The following POM121 variants were observed in gnomAD, a reference collection of about 807,000 sequenced individuals.
POM121 encodes nuclear envelope pore membrane protein POM 121.
A neutral mutation model predicts 81.3 loss-of-function variants in POM121; 32 were observed. The observed-to-expected ratio is 0.39, with a 90% confidence interval of 0.30 to 0.53. The LOEUF (loss-of-function observed/expected upper bound fraction) is 0.53. POM121 is among the 20% of genes least tolerant of loss of function. POM121 has a pLI of 0.66. For missense variants in POM121, 1,138 were observed against 1,614.6 expected (o/e 0.70, Z 5.06); for synonymous variants, 514 against 694.2 (o/e 0.74, Z 4.08).
At chr7:72,914,784 C>T (rs566160726) in intron 4 of POM121, among the ~76,000 whole-genome samples, 4 of 152,218 alleles carry the variant, frequency 2.6e-5, no homozygotes, top group South Asian at 2.1e-4. Flanking sequence ...TTCTCCTTTT[C>T]GTGTGGGTGT....
chr7:72,927,521 C>G (rs1371978865), intron 3 of POM121, among the ~76,000 whole-genome samples: 1 of 151,998 alleles, frequency 6.6e-6, no homozygotes, highest in African/African-American at 2.4e-5. Context: ...ACCAGCCTGG[C>G]CAACATGGTG....
downstream of POM121, chr7:72,949,610 A>G (rs401112): frequency 2.0e-3 from 1,361 of 669,432 alleles, 26 homozygotes; most frequent in South Asian, 0.02. Flanking sequence ...ATATTGAAAC[A>G]GCCTATATTT....
downstream of POM121, chr7:72,948,785 C>T (rs144643549): frequency 1.1e-4 from 176 of 1,579,720 alleles, 4 homozygotes; most frequent in African/African-American, 2.2e-3. Flanking sequence ...TCGGTGGGGC[C>T]GGGCAGGCAG....
Position 72,942,130 on chromosome 7 carries a change from C to T in POM121, c.2137C>T (p.Pro713Ser). 1 of 1,609,198 alleles carries T rather than the reference C, an allele frequency of 6.2e-7. No homozygotes were observed. The highest frequency in any genetic ancestry group is 8.5e-7 in the Non-Finnish European group (1 of 1,179,802). The change falls in exon 11 of 13, where the codon CCT becomes TCT. Residue 713 changes from proline to serine, a missense_variant. Around this residue, in one of 7 missense-constraint regions of POM121, gnomAD observed 25 missense variants for 214.1 expected, o/e 0.12. Coordinates refer to ENST00000434423, the MANE Select transcript of POM121 (RefSeq NM_001387691.1). The part of the protein sequence containing the change: ...SFLFGTQNTS[P>S]SSPAAPAASS... ...CCTGTTTGGAACACAGAACACCTCA[C>T]CTTCCAGCCCTGCCGCCCCTGCTGC...
intron 3 of POM121, 46 bp downstream of exon 3, chr7:72,927,009 C>G (rs1554497675): frequency 6.2e-7 from 1 of 1,613,426 alleles, no homozygotes; most frequent in Admixed American, 1.7e-5. Context: ...GCTTGGACTC[C>G]TATGGGATGA....
chr7:72,905,289 A>G (rs1793129295), intron 3 of POM121, among the ~76,000 whole-genome samples: 3 of 152,202 alleles, frequency 2.0e-5, no homozygotes, highest in Admixed American at 6.5e-5. Flanking sequence ...GAATTATTTA[A>G]AAGTGTATTT....
At chr7:72,899,781 G>A (rs141195511) in intron 3 of POM121, among the ~76,000 whole-genome samples, 2 of 151,850 alleles carry the variant, frequency 1.3e-5, no homozygotes, top group African/African-American at 4.8e-5. Context: ...GGGTTTCACT[G>A]TGTTAGCCAG....
intron 4 of POM121, among the ~76,000 whole-genome samples, chr7:72,918,279 C>G (rs1554495418): frequency 6.6e-6 from 1 of 152,042 alleles, no homozygotes; most frequent in African/African-American, 2.4e-5. Context: ...TGCTAAGTAG[C>G]CGGTGTTTTT....
downstream of POM121, chr7:72,948,305 C>T (rs782138169): frequency 5.7e-6 from 9 of 1,591,830 alleles, no homozygotes; most frequent in East Asian, 6.8e-5. Context: ...TCGTAGAGTA[C>T]GTTCTGCATT....
intron 5 of POM121, among the ~76,000 whole-genome samples, chr7:72,936,148 A>T (rs1265764347): frequency 6.6e-6 from 1 of 152,126 alleles, no homozygotes; most frequent in Non-Finnish European, 1.5e-5. Flanking sequence ...GTTGTCTTCC[A>T]GTCCTAGCTA....
intron 1 of POM121, among the ~76,000 whole-genome samples, chr7:72,884,982 A>G (rs1790569310): frequency 1.3e-5 from 2 of 152,158 alleles, no homozygotes; most frequent in South Asian, 2.1e-4. Flanking sequence ...TTTCCTTTAT[A>G]GCAATTTTTA....
intron 3 of POM121, among the ~76,000 whole-genome samples, chr7:72,903,489 T>C (rs1207888808): frequency 1.3e-5 from 2 of 152,198 alleles, no homozygotes; most frequent in Non-Finnish European, 2.9e-5. Context: ...CTGGAAATTA[T>C]TTTATCCTCC....
At chr7:72,905,142 A>G (rs1406486611) in intron 3 of POM121, among the ~76,000 whole-genome samples, 46 of 152,074 alleles carry the variant, frequency 3.0e-4, no homozygotes, top group African/African-American at 1.1e-3. Flanking sequence ...TGGTTTATCA[A>G]TGTTTCTGTG....
In POM121 at chr7:72,933,220, C is replaced by T. The variant is rs760130837; in HGVS notation, c.1275+3109C>T. Among the ~76,000 whole-genome samples, 45 of 151,840 alleles carry T rather than the reference C, an allele frequency of 3.0e-4. 1 individual carries two copies. Among genetic ancestry groups the T allele is most frequent in the Non-Finnish European group, 5.6e-4 (38 of 67,960 alleles). On this transcript the variant is annotated intron_variant, in intron 5 of 12. Coordinates refer to ENST00000434423, the MANE Select transcript of POM121 (RefSeq NM_001387691.1). ...TACAAAAAATTTAGCCAGGCGTGGTCGTGTGTGCCTGTAATCCCAGTTACT... is the reference window on the plus strand; with the variant it reads ...TACAAAAAATTTAGCCAGGCGTGGTTGTGTGTGCCTGTAATCCCAGTTACT...
chr7:72,943,493 G>A lies in POM121; in HGVS notation c.3500G>A (p.Ser1167Asn), dbSNP rs368392964. 8.7e-6 allele frequency: 14 copies of A among 1,612,380 alleles called. No individual in the cohort carries two copies. In the African/African-American group the frequency reaches 1.5e-4, roughly 17 times the overall value. Residue 1167 changes from serine (S) to asparagine (N), a missense_variant, in exon 11 of 13, where the codon AGC becomes AAC. By Grantham distance (46) the Ser-to-Asn change is conservative. Transcript: ENST00000434423. ...QSTPFAFNVS[S>N]TTESKPVFGG... ...ACACCGTTTGCCTTCAACGTGAGCA[G>A]CACAACTGAGAGCAAACCTGTGTTT...
intron 1 of POM121, among the ~76,000 whole-genome samples, chr7:72,887,598 G>A (rs1277926604): frequency 1.1e-4 from 17 of 152,170 alleles, no homozygotes; most frequent in African/African-American, 3.4e-4. Flanking sequence ...CAAGGCTAAG[G>A]CGGGCAGATC....
intron 1 of POM121, among the ~76,000 whole-genome samples, chr7:72,886,700 C>T (rs1206859379): frequency 1.1e-4 from 16 of 152,086 alleles, no homozygotes; most frequent in East Asian, 1.9e-4. Context: ...TTTTTCTCCA[C>T]AGTGCTTTAA....
chr7:72,917,695 C>A (rs1554495310), intron 4 of POM121, among the ~76,000 whole-genome samples: 1 of 152,190 alleles, frequency 6.6e-6, no homozygotes. Flanking sequence ...ACCAGCCCCA[C>A]AGGGTCGGTG....
At chr7:72,922,507 C>T (rs191090523), upstream of POM121, among the ~76,000 whole-genome samples, 44 of 151,872 alleles carry the variant, frequency 2.9e-4, no homozygotes, top group African/African-American at 9.4e-4. Flanking sequence ...CAGCCTCAGC[C>T]TCCTGAGTAG....
Sources: gnomAD v4.1 joint callset for allele counts (sites outside exome capture counted in the v4.1 genomes callset) on GRCh38, gnomAD v4.1.1 for gene constraint, gnomAD v4.1.1 regional missense constraint, MANE v1.5 for transcripts, NCBI Gene and HGNC (gene_info 2026-07-23, HGNC 2026-07-21) for gene names.